Variants in FNDC3A observed in about 807,000 individuals in gnomAD.
The protein encoded by FNDC3A is fibronectin type-III domain-containing protein 3A.
FNDC3A carries 32 observed loss-of-function variants against 148.9 expected under a neutral mutation model. The observed-to-expected ratio is 0.21, with a 90% CI of 0.16 to 0.29. The LOEUF is 0.29. Ranked by LOEUF, FNDC3A falls within the 10% of genes least tolerant of loss-of-function variation. The pLI, the probability that FNDC3A is intolerant of heterozygous loss-of-function variation, is 1.00. For synonymous variants in FNDC3A, 472 were observed against 473.6 expected (o/e 1.00, Z 0.04); for missense variants, 1,191 against 1,452.8 (o/e 0.82, Z 2.93).
chr13:49,022,574 G>A (rs1367252872), intron 2 of FNDC3A, among the ~76,000 whole-genome samples: 1 of 152,084 alleles, frequency 6.6e-6, no homozygotes, highest in Non-Finnish European at 1.5e-5. Flanking sequence ...TTAGGAATGA[G>A]GCTACTGAGA....
chr13:49,042,365 A>G (rs1471012913), intron 2 of FNDC3A, among the ~76,000 whole-genome samples: 4 of 152,166 alleles, frequency 2.6e-5, no homozygotes, highest in African/African-American at 4.8e-5. Context: ...CAACTATTTT[A>G]TCATCTTCCA....
At position 48,979,862 on chromosome 13, in the gene FNDC3A, T is replaced by C. The variant is rs1951667026; in HGVS notation, c.-40+3685T>C. ...TAATCTTTTAAAAACGTAAAAATTT[T>C]TACATTGTTGTCTCAAGAGCCAAAC... On this transcript the variant is annotated intron_variant, in intron 1 of 25. Coordinates refer to ENST00000492622, the MANE Select transcript of FNDC3A (RefSeq NM_001079673.2). 2.0e-5 allele frequency among the ~76,000 whole-genome samples: 3 copies of C among 152,152 alleles called. No homozygotes were observed. In the South Asian group the frequency reaches 6.2e-4, roughly 31 times the overall value.
intron 1 of FNDC3A, among the ~76,000 whole-genome samples, chr13:48,985,277 A>C (rs923027569): frequency 6.6e-6 from 1 of 152,244 alleles, no homozygotes; most frequent in African/African-American, 2.4e-5. Flanking sequence ...TAGCCTGTTA[A>C]GTTTTGAAGG....
intron 8 of FNDC3A, among the ~76,000 whole-genome samples, chr13:49,164,928 T>G (rs1884372561): frequency 6.6e-6 from 1 of 152,260 alleles, no homozygotes; most frequent in South Asian, 2.1e-4. Flanking sequence ...TGAAATTCTT[T>G]CATCAGCTGT....
chr13:49,160,101 C>A (rs1261346673), intron 8 of FNDC3A, among the ~76,000 whole-genome samples: 1 of 152,004 alleles, frequency 6.6e-6, no homozygotes, highest in Non-Finnish European at 1.5e-5. Flanking sequence ...TGTCTCTGCC[C>A]GGCTTTGGTA....
At chr13:49,047,873 A>T (rs1236475235) in intron 2 of FNDC3A, among the ~76,000 whole-genome samples, 1 of 152,082 alleles carries the variant, frequency 6.6e-6, no homozygotes, top group South Asian at 2.1e-4. Context: ...TGCTTAAGCC[A>T]ATGTCTAGAA....
intron 2 of FNDC3A, among the ~76,000 whole-genome samples, chr13:49,019,977 G>T (rs1338662122): frequency 6.6e-6 from 1 of 152,210 alleles, no homozygotes; most frequent in Non-Finnish European, 1.5e-5. Flanking sequence ...TAGAAATGAA[G>T]AAGCAAATCA....
intron 8 of FNDC3A, among the ~76,000 whole-genome samples, chr13:49,166,180 G>A (rs923666689): frequency 1.3e-5 from 2 of 152,240 alleles, no homozygotes; most frequent in Admixed American, 6.5e-5. Flanking sequence ...GCTATATGCA[G>A]GCTGCTAGGG....
chr13:48,990,039 C>G (rs935989471), intron 1 of FNDC3A, among the ~76,000 whole-genome samples: 1 of 151,990 alleles, frequency 6.6e-6, no homozygotes, highest in South Asian at 2.1e-4. Context: ...CGTGAACCAC[C>G]GTGCCTGGCC....
intron 8 of FNDC3A, among the ~76,000 whole-genome samples, chr13:49,163,709 T>G (rs974456818): frequency 4.6e-5 from 7 of 152,362 alleles, no homozygotes; most frequent in Middle Eastern, 3.4e-3. Context: ...ACCCATCTTC[T>G]GTATTGCTCA....
At chr13:49,176,448 C>T (rs1390589116) in intron 13 of FNDC3A, among the ~76,000 whole-genome samples, 1 of 151,846 alleles carries the variant, frequency 6.6e-6, no homozygotes, top group Admixed American at 6.6e-5. Context: ...CACCTGGACA[C>T]AGGGAGGGGA....
intron 2 of FNDC3A, among the ~76,000 whole-genome samples, chr13:49,026,705 A>T (rs1265300404): frequency 6.6e-6 from 1 of 152,082 alleles, no homozygotes; most frequent in Non-Finnish European, 1.5e-5. Context: ...GAGTCTCACT[A>T]TGTTGCCCAG....
chr13:49,017,640 CATT>C (rs1420343443), intron 2 of FNDC3A, among the ~76,000 whole-genome samples: 1 of 151,662 alleles, frequency 6.6e-6, no homozygotes, highest in Non-Finnish European at 1.5e-5. Flanking sequence ...TTGATCCTGT[CATT>C]ATGATGTTAG....
intron 10 of FNDC3A, among the ~76,000 whole-genome samples, chr13:49,169,533 T>TC (rs1593699398): frequency 6.6e-6 from 1 of 152,136 alleles, no homozygotes; most frequent in African/African-American, 2.4e-5. Flanking sequence ...CTTCACCCCA[T>TC]ACCACCAGAC....
At chr13:49,119,036 C>T (rs1335196334) in intron 4 of FNDC3A, among the ~76,000 whole-genome samples, 1 of 152,206 alleles carries the variant, frequency 6.6e-6, no homozygotes, top group Non-Finnish European at 1.5e-5. Context: ...CAAGTGGTTC[C>T]CTAACCCCCG....
chr13:49,141,700 A>AC (rs2137955701), intron 7 of FNDC3A, among the ~76,000 whole-genome samples: 1 of 152,308 alleles, frequency 6.6e-6, no homozygotes, highest in African/African-American at 2.4e-5. Flanking sequence ...AACCCAATGG[A>AC]CAGTTTTTCT....
intron 2 of FNDC3A, among the ~76,000 whole-genome samples, chr13:49,061,802 TCTCTCCTCTC>T (rs569457919): frequency 2.6e-5 from 1 of 38,336 alleles, no homozygotes; most frequent in Non-Finnish European, 5.0e-5. Flanking sequence ...CCTCTCCTCT[TCTCTCCTCTC>T]CTCTCCTCTC....
chr13:49,038,793 T>C (rs1305429673), intron 2 of FNDC3A, among the ~76,000 whole-genome samples: 1 of 152,228 alleles, frequency 6.6e-6, no homozygotes, highest in Non-Finnish European at 1.5e-5. Flanking sequence ...GCAAGTCATG[T>C]TCCTTTTGGG....
chr13:49,037,667 C>T (rs1045046270), intron 2 of FNDC3A, among the ~76,000 whole-genome samples: 3 of 152,148 alleles, frequency 2.0e-5, no homozygotes, highest in South Asian at 2.1e-4. Flanking sequence ...TAGGGTGAAA[C>T]GGGAGAGTTC....
Sources: gnomAD v4.1 joint callset for allele counts (sites outside exome capture counted in the v4.1 genomes callset) on GRCh38, gnomAD v4.1.1 for gene constraint, MANE v1.5 for transcripts, NCBI Gene and HGNC (gene_info 2026-07-23, HGNC 2026-07-21) for gene names.